PDE1C: variants seen among roughly 807,000 people sequenced by gnomAD.
PDE1C encodes phosphodiesterase 1C.
Under a neutral mutation model 93.1 loss-of-function variants are expected in PDE1C, and 62 were observed. The ratio of observed to expected loss-of-function variants is 0.67; its 90% CI spans 0.54 to 0.82. The LOEUF (loss-of-function observed/expected upper bound fraction) is 0.82. Ranked by LOEUF, PDE1C falls within the 40% of genes least tolerant of loss-of-function variation. The probability of loss-of-function intolerance (pLI) is 0.00; values close to 1 mark genes in which losing one functional copy is unlikely to be tolerated. For missense variants in PDE1C, 742 were observed against 884.6 expected (o/e 0.84, Z 2.04); for synonymous variants, 325 against 310.1 (o/e 1.05, Z -0.50).
At chr7:31,686,483 T>C in the PDE1C span, among the ~76,000 whole-genome samples, 14 of 152,164 alleles carry the variant, frequency 9.2e-5, no homozygotes, top group African/African-American at 3.1e-4. Context: ...ACCTATAGAG[T>C]TGGGGGCTGC....
chr7:31,633,681 C>G, the PDE1C span, among the ~76,000 whole-genome samples: 11 of 152,208 alleles, frequency 7.2e-5, no homozygotes, highest in Non-Finnish European at 1.6e-4. Context: ...CATTCCAACT[C>G]TAGGCTAACT....
At chr7:31,805,215 C>T (rs896377147) in intron 16 of PDE1C, among the ~76,000 whole-genome samples, 1 of 151,472 alleles carries the variant, frequency 6.6e-6, no homozygotes, top group Non-Finnish European at 1.5e-5. Context: ...ATAAATTACC[C>T]AGTTTGGGGT....
intron 5 of PDE1C, among the ~76,000 whole-genome samples, chr7:31,874,884 T>C (rs76395512): frequency 0.016 from 2,375 of 152,348 alleles, 51 homozygotes; most frequent in African/African-American, 0.055. Flanking sequence ...GTTTTATAGA[T>C]GGCAACCTCA....
intron 2 of PDE1C, among the ~76,000 whole-genome samples, chr7:32,204,335 C>A (rs556010705): frequency 6.6e-6 from 1 of 152,102 alleles, no homozygotes; most frequent in African/African-American, 2.4e-5. Flanking sequence ...AAAGTGAAAC[C>A]GCAGATAAGG....
intron 2 of PDE1C, among the ~76,000 whole-genome samples, chr7:31,998,034 T>A (rs938847205): frequency 2.2e-5 from 3 of 139,502 alleles, no homozygotes; most frequent in East Asian, 2.1e-4. Context: ...TTATTTATTT[T>A]TTTGAGACGG....
chr7:32,027,607 TAAAA>T (rs551660766), intron 2 of PDE1C, among the ~76,000 whole-genome samples: 4 of 78,492 alleles, frequency 5.1e-5, no homozygotes, highest in African/African-American at 1.8e-4. Flanking sequence ...TCAAAAATGG[TAAAA>T]AAAAAAAAAA....
intron 1 of PDE1C, among the ~76,000 whole-genome samples, chr7:32,245,402 C>T (rs1808851394): frequency 6.6e-6 from 1 of 152,138 alleles, no homozygotes; most frequent in African/African-American, 2.4e-5. Flanking sequence ...AAAGCTGATC[C>T]TAAGGCAATT....
chr7:31,802,531 C>T (rs1245806916), intron 16 of PDE1C, among the ~76,000 whole-genome samples: 1 of 151,534 alleles, frequency 6.6e-6, no homozygotes, highest in African/African-American at 2.4e-5. Flanking sequence ...TTCTTTTGTA[C>T]AGATCTATAT....
chr7:31,640,120 G>C, the PDE1C span, among the ~76,000 whole-genome samples: 6 of 152,162 alleles, frequency 3.9e-5, no homozygotes. Flanking sequence ...AGGCTCATTA[G>C]GTGGGACCAG....
chr7:32,060,075 G>C (rs1400186469), intron 1 of PDE1C, among the ~76,000 whole-genome samples: 1 of 152,122 alleles, frequency 6.6e-6, no homozygotes, highest in Non-Finnish European at 1.5e-5. Flanking sequence ...TAAATCCAAA[G>C]GATTAAGACA....
intron 2 of PDE1C, among the ~76,000 whole-genome samples, chr7:31,920,455 G>T (rs1802467659): frequency 6.6e-6 from 1 of 152,154 alleles, no homozygotes; most frequent in African/African-American, 2.4e-5. Flanking sequence ...TCTTCATGGG[G>T]TGAGGTTGGG....
At chr7:31,983,224 G>A (rs1812620081) in intron 2 of PDE1C, among the ~76,000 whole-genome samples, 1 of 152,114 alleles carries the variant, frequency 6.6e-6, no homozygotes, top group Non-Finnish European at 1.5e-5. Flanking sequence ...ACTCAAAGAT[G>A]GGAACAATGA....
chr7:31,641,631 C>T, the PDE1C span, among the ~76,000 whole-genome samples: 24,261 of 152,156 alleles, frequency 0.16, 2,372 homozygotes, highest in Non-Finnish European at 0.2. Context: ...CCTGCCCACA[C>T]GTGACTTTGC....
At chr7:32,099,990 G>A (rs983381015) in intron 3 of PDE1C, among the ~76,000 whole-genome samples, 14 of 151,692 alleles carry the variant, frequency 9.2e-5, no homozygotes, top group Non-Finnish European at 2.1e-4. Flanking sequence ...CTACATCCCC[G>A]TTTTCTACTT....
chr7:31,782,346 C>T (rs532953355), intron 16 of PDE1C, among the ~76,000 whole-genome samples: 5 of 152,232 alleles, frequency 3.3e-5, no homozygotes, highest in Non-Finnish European at 5.9e-5. Flanking sequence ...AAAGTATCTA[C>T]AATGATTAAT....
At chr7:32,370,827 A>G (rs1289577150) in intron 1 of PDE1C, among the ~76,000 whole-genome samples, 2 of 152,042 alleles carry the variant, frequency 1.3e-5, no homozygotes, top group African/African-American at 2.4e-5. Context: ...AATATCTTGC[A>G]TCTGACAACA....
At chr7:31,624,394 A>C in the PDE1C span, among the ~76,000 whole-genome samples, 1 of 144,336 alleles carries the variant, frequency 6.9e-6, no homozygotes, top group Admixed American at 7.1e-5. Context: ...ACAGTAACCA[A>C]AACAGCATGG....
intron 1 of PDE1C, among the ~76,000 whole-genome samples, chr7:32,215,597 G>A (rs945556147): frequency 3.9e-5 from 6 of 152,196 alleles, no homozygotes; most frequent in Admixed American, 2.6e-4. Flanking sequence ...TTGGAGCAAT[G>A]AGCATCCTAA....
At chr7:32,186,713 AG>A (rs1803909704) in intron 2 of PDE1C, among the ~76,000 whole-genome samples, 1 of 152,170 alleles carries the variant, frequency 6.6e-6, no homozygotes, top group African/African-American at 2.4e-5. Context: ...GTAACAGTAT[AG>A]TCAGAGAGTA....
Sources: gnomAD v4.1 joint callset for allele counts (sites outside exome capture counted in the v4.1 genomes callset) on GRCh38, gnomAD v4.1.1 for gene constraint, MANE v1.5 for transcripts, NCBI Gene and HGNC (gene_info 2026-07-23, HGNC 2026-07-21) for gene names.